PATJ: variants seen among roughly 807,000 people sequenced by gnomAD.
PATJ encodes inaD-like protein.
A neutral mutation model predicts 224.9 loss-of-function variants in PATJ; 190 were observed. The observed-to-expected ratio is 0.84, with a 90% CI of 0.75 to 0.95. PATJ has a LOEUF of 0.95. PATJ is among the 40% of genes least tolerant of loss of function. The probability of loss-of-function intolerance (pLI) is 0.00; values close to 1 mark genes in which losing one functional copy is unlikely to be tolerated. For missense variants in PATJ, 2,121 were observed against 2,270.3 expected (o/e 0.93, Z 1.34); for synonymous variants, 769 against 820.3 (o/e 0.94, Z 1.07).
intron 15 of PATJ, among the ~76,000 whole-genome samples, chr1:61,826,750 A>C (rs3790573): frequency 0.039 from 5,990 of 152,282 alleles, 142 homozygotes; most frequent in South Asian, 0.062. Context: ...TTATTTTAAA[A>C]ATTATTTTAG....
intron 10 of PATJ, among the ~76,000 whole-genome samples, chr1:61,796,449 C>T (rs1182191186): frequency 2.0e-5 from 3 of 152,120 alleles, no homozygotes; most frequent in Admixed American, 6.6e-5. Flanking sequence ...ATAATAATGG[C>T]TTCTATTAAT....
intron 41 of PATJ, among the ~76,000 whole-genome samples, chr1:62,131,365 G>C (rs968125977): frequency 6.6e-5 from 10 of 152,106 alleles, no homozygotes; most frequent in African/African-American, 2.4e-4. Flanking sequence ...GACCTTAGGA[G>C]GATCCTACTT....
At chr1:62,112,468 T>C (rs1344216610) in intron 34 of PATJ, among the ~76,000 whole-genome samples, 1 of 152,112 alleles carries the variant, frequency 6.6e-6, no homozygotes, top group Non-Finnish European at 1.5e-5. Context: ...ATCGCACCAC[T>C]ATACTCCAGC....
intron 15 of PATJ, among the ~76,000 whole-genome samples, chr1:61,825,185 G>T (rs558148276): frequency 1.3e-5 from 2 of 152,214 alleles, no homozygotes; most frequent in African/African-American, 4.8e-5. Flanking sequence ...TCATTTTGGG[G>T]TATTGGCAAT....
chr1:62,114,260 G>T lies in PATJ; in HGVS notation c.4655+14G>T. 6.2e-7 allele frequency: 1 copy of T among 1,612,064 alleles called. No homozygotes were observed. The highest frequency in any genetic ancestry group is 1.1e-5 in the South Asian group (1 of 90,798). On this transcript the variant is annotated intron_variant, in intron 35 of 43. Coordinates refer to ENST00000642238, the MANE Select transcript of PATJ (RefSeq NM_001350145.3). ...CGTTGGGAAACGGTAAAGACGTGCT[G>T]TGGGAGTTGGGATCTGCCTTTTTCA... is the stretch of plus-strand genomic sequence containing the variant.
At chr1:62,106,190 C>CATATATATATATATATATATATATA (rs1663023801) in intron 33 of PATJ, among the ~76,000 whole-genome samples, 1 of 46,900 alleles carries the variant, frequency 2.1e-5, no homozygotes, top group Non-Finnish European at 4.6e-5. Flanking sequence ...ATATATATGG[C>CATATATATATATATATATATATATA]TGGGCACAGC....
At chr1:62,071,490 CT>C (rs747065507) in intron 31 of PATJ, among the ~76,000 whole-genome samples, 1,486 of 117,722 alleles carry the variant, frequency 0.013, 22 homozygotes, top group African/African-American at 0.043. Flanking sequence ...TTGTAGATCA[CT>C]TTTTTTTTTT....
At chr1:62,033,353 C>T (rs1649689815) in intron 29 of PATJ, among the ~76,000 whole-genome samples, 1 of 152,116 alleles carries the variant, frequency 6.6e-6, no homozygotes, top group East Asian at 1.9e-4. Context: ...GTCCAGATGC[C>T]TCATGGACTC....
intron 31 of PATJ, chr1:62,073,129 G>A (rs1657719684): frequency 3.0e-6 from 3 of 985,346 alleles, no homozygotes; most frequent in South Asian, 9.4e-5. Flanking sequence ...TTGCTCTTCT[G>A]GGGTTGCGTG....
At chr1:61,783,811 G>A (rs1647926145) in intron 7 of PATJ, among the ~76,000 whole-genome samples, 1 of 134,376 alleles carries the variant, frequency 7.4e-6, no homozygotes, top group Non-Finnish European at 1.5e-5. Context: ...GCAGTGGTAT[G>A]ATTTTGGCTC....
intron 31 of PATJ, among the ~76,000 whole-genome samples, chr1:62,066,298 G>T (rs942799168): frequency 2.6e-5 from 4 of 152,044 alleles, no homozygotes; most frequent in Non-Finnish European, 5.9e-5. Context: ...ACTAATAAGT[G>T]TCATAGCCAA....
At chr1:61,849,535 G>A (rs1024273730) in intron 17 of PATJ, among the ~76,000 whole-genome samples, 3 of 152,242 alleles carry the variant, frequency 2.0e-5, no homozygotes, top group Non-Finnish European at 4.4e-5. Flanking sequence ...CGAGACTGCA[G>A]TGAGCCGTGA....
chr1:61,769,456 G>C, intron 5 of PATJ, 34 bp downstream of exon 5: 1 of 1,594,244 alleles, frequency 6.3e-7, no homozygotes, highest in Non-Finnish European at 8.5e-7. Flanking sequence ...TTTGCTAATT[G>C]TTTCCTGATA....
intron 7 of PATJ, among the ~76,000 whole-genome samples, chr1:61,780,336 A>G (rs754789519): frequency 6.6e-6 from 1 of 152,032 alleles, no homozygotes; most frequent in Non-Finnish European, 1.5e-5. Context: ...GTGGAGGTGC[A>G]TGCCCATAAT....
At chr1:62,091,299 T>C (rs964104652) in intron 33 of PATJ, among the ~76,000 whole-genome samples, 4 of 152,244 alleles carry the variant, frequency 2.6e-5, no homozygotes, top group African/African-American at 9.6e-5. Flanking sequence ...TGCTGGTTCT[T>C]TGGCATTAGA....
chr1:62,012,133 A>G (rs911973355), intron 28 of PATJ, among the ~76,000 whole-genome samples: 26 of 151,702 alleles, frequency 1.7e-4, no homozygotes, highest in African/African-American at 5.8e-4. Context: ...TGACTTTTTT[A>G]TCTCAAAATC....
In PATJ at chr1:61,861,600, A is replaced by G; in HGVS notation, c.2372A>G (p.Glu791Gly). Residue 791 changes from glutamate (E) to glycine (G), a missense_variant, in exon 19 of 44, where the codon GAA becomes GGA. Physicochemically the swap from Glu to Gly is moderately conservative, Grantham distance 98. Transcript: ENST00000642238. ...TATATTTTACATTCAAGCAGTAATG[A>G]AGACAAGACTGAATTTTCAGGAACA... ...SCYILHSSSN[E>G]DKTEFSGTIH... 3 of 1,501,822 alleles carry G rather than the reference A, an allele frequency of 2.0e-6. No individual in the cohort carries two copies. Among genetic ancestry groups the G allele is most frequent in the Non-Finnish European group, 2.7e-6 (3 of 1,116,504 alleles). 93.0% of individuals were successfully genotyped at this position (1,501,822 alleles called of 1,614,324 possible).
chr1:61,904,531 A>G (rs1011624314), intron 24 of PATJ, among the ~76,000 whole-genome samples: 1 of 152,248 alleles, frequency 6.6e-6, no homozygotes, highest in African/African-American at 2.4e-5. Flanking sequence ...CACCACCACA[A>G]TTGAGAAACT....
intron 17 of PATJ, among the ~76,000 whole-genome samples, chr1:61,854,625 G>A (rs965190165): frequency 8.5e-5 from 13 of 152,154 alleles, no homozygotes; most frequent in South Asian, 2.1e-4. Context: ...CCACATATAC[G>A]CTGGGTGATA....
Sources: allele counts gnomAD v4.1 joint callset (sites outside exome capture counted in the v4.1 genomes callset), GRCh38; gene constraint gnomAD v4.1.1; transcripts MANE v1.5; gene names NCBI Gene and HGNC (gene_info 2026-07-23, HGNC 2026-07-21).